Variants in NCKAP5 observed in about 807,000 individuals in gnomAD.
NCKAP5 encodes the protein NCK associated protein 5.
Under a neutral mutation model 167.0 loss-of-function variants are expected in NCKAP5, and 92 were observed. The observed-to-expected ratio is 0.55, with a 90% CI of 0.47 to 0.66. NCKAP5 has a LOEUF of 0.66. Among genes scored for constraint, NCKAP5 ranks in the 30% least tolerant of loss-of-function variants. NCKAP5 has a pLI of 0.00. For synonymous variants in NCKAP5, 891 were observed against 877.4 expected (o/e 1.02, Z -0.27); for missense variants, 2,378 against 2,315.0 (o/e 1.03, Z -0.56).
intron 7 of NCKAP5, among the ~76,000 whole-genome samples, chr2:132,984,850 G>T (rs1276968231): frequency 2.0e-5 from 3 of 150,768 alleles, no homozygotes; most frequent in Non-Finnish European, 4.4e-5. Context: ...TCGTGATTTT[G>T]CTCTGTTCAA....
intron 11 of NCKAP5, among the ~76,000 whole-genome samples, chr2:132,832,543 TCTA>T (rs543606672): frequency 2.5e-3 from 373 of 152,218 alleles, no homozygotes; most frequent in Non-Finnish European, 4.3e-3. Flanking sequence ...CATCCAAGTC[TCTA>T]CTGTCTATAA....
At chr2:132,692,108 G>GATTTTATTTTATTTTATTTT (rs5834326) in intron 19 of NCKAP5, among the ~76,000 whole-genome samples, 57 of 136,688 alleles carry the variant, frequency 4.2e-4, no homozygotes, top group East Asian at 6.6e-4. Context: ...AAGCCTGCTT[G>GATTTTATTTTATTTTATTTT]ATTTTATTTT....
chr2:133,659,844 T>C, the NCKAP5 span, among the ~76,000 whole-genome samples: 2 of 152,222 alleles, frequency 1.3e-5, no homozygotes, highest in Non-Finnish European at 2.9e-5. Flanking sequence ...TGAACATACA[T>C]AAAATATATG....
chr2:133,377,531 G>C (rs1686230099), intron 3 of NCKAP5, among the ~76,000 whole-genome samples: 1 of 152,122 alleles, frequency 6.6e-6, no homozygotes, highest in African/African-American at 2.4e-5. Context: ...AGGAGGAAAA[G>C]CCAGGGGAAA....
chr2:132,975,785 GA>G (rs1221004304), intron 7 of NCKAP5, among the ~76,000 whole-genome samples: 109 of 135,564 alleles, frequency 8.0e-4, no homozygotes, highest in East Asian at 4.3e-3. Context: ...AAGAGTCAGA[GA>G]AAAAAAAAAA....
chr2:133,535,212 T>C (rs976962162), intron 2 of NCKAP5, among the ~76,000 whole-genome samples: 8 of 152,120 alleles, frequency 5.3e-5, no homozygotes, highest in African/African-American at 1.4e-4. Context: ...ATGATGAGAT[T>C]TGAGTGTTAA....
At chr2:133,564,538 A>C (rs184652379) in intron 1 of NCKAP5, among the ~76,000 whole-genome samples, 1 of 152,178 alleles carries the variant, frequency 6.6e-6, no homozygotes. Context: ...AAGGTAAAGA[A>C]ATACTTTTAA....
chr2:132,723,528 A>G (rs1029330363), intron 19 of NCKAP5, among the ~76,000 whole-genome samples: 1 of 152,212 alleles, frequency 6.6e-6, no homozygotes, highest in Non-Finnish European at 1.5e-5. Flanking sequence ...TACGAGCCAC[A>G]TGTGACTATA....
chr2:133,106,375 G>T (rs530395492), intron 6 of NCKAP5, among the ~76,000 whole-genome samples: 2 of 152,092 alleles, frequency 1.3e-5, no homozygotes, highest in African/African-American at 4.8e-5. Flanking sequence ...TATGCCAGGG[G>T]ATACGTTTTA....
chr2:133,667,813 T>G, the NCKAP5 span, among the ~76,000 whole-genome samples: 1 of 151,996 alleles, frequency 6.6e-6, no homozygotes, highest in Non-Finnish European at 1.5e-5. Context: ...AAAATTTTCC[T>G]TTTCAAAGAG....
chr2:132,729,009 T>C, intron 17 of NCKAP5, 57 bp from the exon 18 acceptor site: 2 of 1,600,172 alleles, frequency 1.2e-6, no homozygotes, highest in Admixed American at 1.7e-5. Context: ...ATTTTACAAG[T>C]TTAGGGAAGG....
At chr2:132,862,280 C>A (rs961247640) in intron 10 of NCKAP5, among the ~76,000 whole-genome samples, 1 of 152,148 alleles carries the variant, frequency 6.6e-6, no homozygotes, top group African/African-American at 2.4e-5. Flanking sequence ...AGTATTAATT[C>A]TATTAAAGGG....
intron 5 of NCKAP5, among the ~76,000 whole-genome samples, chr2:133,146,348 G>A (rs2083196952): frequency 6.6e-6 from 1 of 152,004 alleles, no homozygotes; most frequent in Non-Finnish European, 1.5e-5. Flanking sequence ...AAAATGGGAG[G>A]AGGGAAGGGG....
chr2:133,611,932 C>G, the NCKAP5 span, among the ~76,000 whole-genome samples: 1 of 152,166 alleles, frequency 6.6e-6, no homozygotes, highest in African/African-American at 2.4e-5. Flanking sequence ...ACTTTGGACC[C>G]ATAGATTTCA....
At chr2:132,686,929 A>G (rs1267581002) in intron 19 of NCKAP5, among the ~76,000 whole-genome samples, 2 of 152,248 alleles carry the variant, frequency 1.3e-5, no homozygotes, top group African/African-American at 4.8e-5. Context: ...TTCTTGAAAT[A>G]ATCAACAACA....
intron 3 of NCKAP5, among the ~76,000 whole-genome samples, chr2:133,317,456 T>C (rs577547509): frequency 2.2e-4 from 33 of 152,206 alleles, no homozygotes; most frequent in African/African-American, 7.5e-4. Context: ...TTAGTTTCCA[T>C]CTAAGGAGGT....
intron 19 of NCKAP5, among the ~76,000 whole-genome samples, chr2:132,698,453 TTAG>T (rs1249040718): frequency 2.0e-5 from 3 of 152,124 alleles, no homozygotes; most frequent in Admixed American, 6.5e-5. Context: ...TTTATTATAT[TTAG>T]TATGGGGGAA....
intron 8 of NCKAP5, among the ~76,000 whole-genome samples, chr2:132,914,251 T>C (rs1694686803): frequency 6.6e-6 from 1 of 152,184 alleles, no homozygotes; most frequent in African/African-American, 2.4e-5. Flanking sequence ...TTAAAAAGCC[T>C]AATTCGTGTG....
chr2:133,226,110 A>T (rs2086877398), intron 4 of NCKAP5, among the ~76,000 whole-genome samples: 1 of 151,782 alleles, frequency 6.6e-6, no homozygotes, highest in African/African-American at 2.4e-5. Flanking sequence ...CTCAATTTTT[A>T]AAAAATGTTT....
Sources: allele counts gnomAD v4.1 joint callset (sites outside exome capture counted in the v4.1 genomes callset), GRCh38; gene constraint gnomAD v4.1.1; transcripts MANE v1.5; gene names NCBI Gene and HGNC (gene_info 2026-07-23, HGNC 2026-07-21).